ONECUT3: variants seen among roughly 807,000 people sequenced by gnomAD.
ONECUT3 encodes one cut homeobox 3, also known as one cut domain family member 3.
A neutral mutation model predicts 16.8 loss-of-function variants in ONECUT3; 11 were observed. That is an observed-to-expected ratio of 0.66 (90% CI 0.41 to 1.09). The LOEUF (loss-of-function observed/expected upper bound fraction) is 1.09. Among genes scored for constraint, ONECUT3 ranks in the 50% least tolerant of loss-of-function variants. ONECUT3 has a pLI of 0.00. For synonymous variants in ONECUT3, 344 were observed against 310.7 expected (o/e 1.11, Z -1.13); for missense variants, 637 against 629.9 (o/e 1.01, Z -0.12).
chr19:1,759,840 C>T lies in ONECUT3; in HGVS notation c.1192+4986C>T, dbSNP rs1299105593. Among the ~76,000 whole-genome samples the T allele has an allele frequency of 6.6e-6, 1 of 152,154 alleles. No homozygotes were observed. Among genetic ancestry groups the T allele is most frequent in the Non-Finnish European group, 1.5e-5 (1 of 68,028 alleles). On this transcript the variant is annotated intron_variant, in intron 1 of 1. Coordinates refer to ENST00000382349, the MANE Select transcript of ONECUT3 (RefSeq NM_001080488.2). The surrounding 1 kb of genome is among the most constrained non-coding windows in gnomAD (Gnocchi z 4.1). Reference sequence around the variant, plus strand: ...CACCGTAGGTTTCCACAGGGATGCACGGAGTGTGGATAGACCGAGACCGTG... The same window carrying T: ...CACCGTAGGTTTCCACAGGGATGCATGGAGTGTGGATAGACCGAGACCGTG...
rs2067910093 is a variant in ONECUT3, at chr19:1,755,131, A to G, written c.1192+277A>G. Among the ~76,000 whole-genome samples, 1 of 151,994 alleles carries G rather than the reference A, an allele frequency of 6.6e-6. No homozygotes were observed. Among genetic ancestry groups the G allele is most frequent in the Non-Finnish European group, 1.5e-5 (1 of 67,970 alleles). ...GCGTAGGGGTTCTCTAGTCCTTGTT[A>G]GACTGCTGGGAGGCTCCGAGCCTCT... On this transcript the variant is annotated intron_variant, in intron 1 of 1. Coordinates refer to ENST00000382349, the MANE Select transcript of ONECUT3 (RefSeq NM_001080488.2). This position sits in a 1 kb window ranked among gnomAD's most constrained non-coding sequence, Gnocchi z 7.5.
Position 1,764,800 on chromosome 19 carries a change from G to GA in ONECUT3, c.1192+9946_1192+9947insA, listed in dbSNP as rs1240338730. Among the ~76,000 whole-genome samples, 3 of 144,358 alleles carry GA rather than the reference G, an allele frequency of 2.1e-5. No individual in the cohort carries two copies. Among genetic ancestry groups the GA allele is most frequent in the Admixed American group, 6.8e-5 (1 of 14,800 alleles). 94.7% of individuals were successfully genotyped at this position (144,358 alleles called of 152,430 possible). A position where few individuals can be genotyped will look rare whatever the true frequency, so the allele number is the denominator to read the frequency against. Reference sequence around the variant, plus strand: ...CTGACTCGAGTCTGGAGAGGCCACGGGGGGGGGATGCGCAGGGGGGACAAG... The same window carrying GA: ...CTGACTCGAGTCTGGAGAGGCCACGGAGGGGGGGATGCGCAGGGGGGACAAG... On this transcript the variant is annotated intron_variant, in intron 1 of 1. Transcript: ENST00000382349. This position sits in a 1 kb window ranked among gnomAD's most constrained non-coding sequence, Gnocchi z 5.0.
rs954095281 is a variant in ONECUT3, at chr19:1,766,503, G to C, written c.1193-8650G>C. On this transcript the variant is annotated intron_variant, in intron 1 of 1. Coordinates refer to ENST00000382349, the MANE Select transcript of ONECUT3 (RefSeq NM_001080488.2). This position sits in a 1 kb window ranked among gnomAD's most constrained non-coding sequence, Gnocchi z 4.0. ...GGAAGTGAGGGAAGGAAGGGGAAGA[G>C]GGGAGGGAGGTAAAGAGAGGGAGGG... is the stretch of plus-strand genomic sequence containing the variant. 1.3e-5 allele frequency among the ~76,000 whole-genome samples: 2 copies of C among 151,678 alleles called. No homozygotes were observed. Among genetic ancestry groups the C allele is most frequent in the Non-Finnish European group, 2.9e-5 (2 of 67,848 alleles).
At chr19:1,763,732 GTT>G (rs35077722) in intron 1 of ONECUT3, among the ~76,000 whole-genome samples, 15 of 134,514 alleles carry the variant, frequency 1.1e-4, no homozygotes, top group African/African-American at 1.7e-4. Flanking sequence ...TCCCTTTTTT[GTT>G]TTTTTTTTTT....
Position 1,757,795 on chromosome 19 carries a change from G to A in ONECUT3, c.1192+2941G>A, listed in dbSNP as rs930358835. Reference sequence around the variant, plus strand: ...CGGCAAATCGCGGCGGTTAGGGGGAGACGGCCGGATGCGTCCCCATCTCCA... The same window carrying A: ...CGGCAAATCGCGGCGGTTAGGGGGAAACGGCCGGATGCGTCCCCATCTCCA... On this transcript the variant is annotated intron_variant, in intron 1 of 1. Coordinates refer to ENST00000382349, the MANE Select transcript of ONECUT3 (RefSeq NM_001080488.2). Among the ~76,000 whole-genome samples, 67 of 152,224 alleles carry A rather than the reference G, an allele frequency of 4.4e-4. 1 individual carries two copies. The highest frequency in any genetic ancestry group is 9.3e-4 in the Non-Finnish European group (63 of 68,034).
chr19:1,753,594 A>T lies in ONECUT3; in HGVS notation c.-69A>T. ...GCGCAGCCACCGGGGAGCGGGCGGG[A>T]GTCATGCAGCGGCCTTGAGCACTAG... On this transcript the variant is annotated 5_prime_UTR_variant, in exon 1 of 2. Coordinates refer to ENST00000382349, the MANE Select transcript of ONECUT3 (RefSeq NM_001080488.2). 1 of 500,908 alleles carries T rather than the reference A, an allele frequency of 2.0e-6. No individual in the cohort carries two copies. The highest frequency in any genetic ancestry group is 2.6e-6 in the Non-Finnish European group (1 of 379,596). 31.0% of individuals were successfully genotyped at this position (500,908 alleles called of 1,614,324 possible).
chr19:1,765,829 A>T (rs1486044951), intron 1 of ONECUT3, among the ~76,000 whole-genome samples: 1 of 152,128 alleles, frequency 6.6e-6, no homozygotes, highest in Non-Finnish European at 1.5e-5. Context: ...TGAGGGGAGC[A>T]GGGGGAGGCA....
intron 1 of ONECUT3, among the ~76,000 whole-genome samples, chr19:1,763,060 T>C (rs2067954830): frequency 2.0e-5 from 3 of 151,550 alleles, no homozygotes; most frequent in South Asian, 2.1e-4. Context: ...TCTATAAAAA[T>C]GTTTTTAAAT....
chr19:1,767,185 G>A (rs1049384200), intron 1 of ONECUT3, among the ~76,000 whole-genome samples: 14 of 152,136 alleles, frequency 9.2e-5, no homozygotes, highest in African/African-American at 2.9e-4. Flanking sequence ...GGGAAACTTC[G>A]TGGTTGGAAG....
intron 1 of ONECUT3, among the ~76,000 whole-genome samples, chr19:1,772,111 G>A (rs1041809048): frequency 2.0e-5 from 3 of 151,828 alleles, no homozygotes; most frequent in Non-Finnish European, 2.9e-5. Context: ...CTGGGTTCAA[G>A]CGACTCTCCT....
At chr19:1,774,625 A>G (rs2068087598) in intron 1 of ONECUT3, among the ~76,000 whole-genome samples, 1 of 150,608 alleles carries the variant, frequency 6.6e-6, no homozygotes, top group Non-Finnish European at 1.5e-5. Context: ...GAGAGGAGAA[A>G]GTTACCAATA....
At chr19:1,769,901 G>A (rs553943425) in intron 1 of ONECUT3, among the ~76,000 whole-genome samples, 1 of 152,216 alleles carries the variant, frequency 6.6e-6, no homozygotes, top group South Asian at 2.1e-4. Context: ...CTCTGCCTCT[G>A]GGGTCCCCAT....
chr19:1,775,718 T>G lies in ONECUT3; in HGVS notation c.*273T>G. 19 of 321,902 alleles carry G rather than the reference T, an allele frequency of 5.9e-5. No homozygotes were observed. Among genetic ancestry groups the G allele is most frequent in the East Asian group, 1.9e-4 (3 of 15,544 alleles). The allele number at this position is 321,902 out of a possible 1,614,324, so 19.9% of individuals were successfully genotyped here. On this transcript the variant is annotated 3_prime_UTR_variant, in exon 2 of 2. Coordinates refer to ENST00000382349, the MANE Select transcript of ONECUT3 (RefSeq NM_001080488.2). ...AGGGGAGGGAGTGACAGAAAGGGGT[T>G]TCCCAGCCCCCTCTCCATTCAGGAC...
intron 1 of ONECUT3, among the ~76,000 whole-genome samples, chr19:1,756,465 C>A (rs2067916663): frequency 6.6e-6 from 1 of 152,186 alleles, no homozygotes; most frequent in Non-Finnish European, 1.5e-5. Flanking sequence ...CGGTCATATC[C>A]GCACACAGCC....
chr19:1,780,982 A>AAAAAAG lies in ONECUT3; in HGVS notation c.*5542_*5543insGAAAAA, dbSNP rs1355241232. Reference sequence around the variant, plus strand: ...CGACAGGCTTAAAAGCTAAAAAAAAAAAAAAATCTCGTCATTGTTAACCAT... The same window carrying AAAAAAG: ...CGACAGGCTTAAAAGCTAAAAAAAAAAAAAAGAAAAAATCTCGTCATTGTTAACCAT... On this transcript the variant is annotated 3_prime_UTR_variant, in exon 2 of 2. Coordinates refer to ENST00000382349, the MANE Select transcript of ONECUT3 (RefSeq NM_001080488.2). 6.6e-6 allele frequency: 1 copy of AAAAAAG among 151,650 alleles called. No individual in the cohort carries two copies. Among genetic ancestry groups the AAAAAAG allele is most frequent in the African/African-American group, 2.4e-5 (1 of 41,220 alleles). The allele number at this position is 151,650 out of a possible 1,614,324, so 9.4% of individuals were successfully genotyped here.
chr19:1,771,612 G>T (rs958601424), intron 1 of ONECUT3, among the ~76,000 whole-genome samples: 18 of 152,128 alleles, frequency 1.2e-4, no homozygotes, highest in Middle Eastern at 3.4e-3. Context: ...TTTATTCTTG[G>T]TGCTCTGAAA....
rs561768747 is a variant in ONECUT3 at position 1,762,254 on chromosome 19, A to ACCCTCCTGCCCTCCTG, written c.1192+7416_1192+7431dup. ...CCCAGCTGCGCCCGCCAGCCCTCCAACCCTCCTGCCCTCCTGCCCTCCTGC... is the reference window on the plus strand; with the variant it reads ...CCCAGCTGCGCCCGCCAGCCCTCCAACCCTCCTGCCCTCCTGCCCTCCTGCCCTCCTGCCCTCCTGC... On this transcript the variant is annotated intron_variant, in intron 1 of 1. Coordinates refer to ENST00000382349, the MANE Select transcript of ONECUT3 (RefSeq NM_001080488.2). The surrounding 1 kb of genome is among the most constrained non-coding windows in gnomAD (Gnocchi z 4.4). Among the ~76,000 whole-genome samples, 1 of 151,662 alleles carries ACCCTCCTGCCCTCCTG rather than the reference A, an allele frequency of 6.6e-6. No individual in the cohort carries two copies. The highest frequency in any genetic ancestry group is 1.5e-5 in the Non-Finnish European group (1 of 67,874).
Position 1,764,798 on chromosome 19 carries a change from C to G in ONECUT3, c.1192+9944C>G, listed in dbSNP as rs1395947725. 2.1e-5 allele frequency among the ~76,000 whole-genome samples: 2 copies of G among 96,320 alleles called. No individual in the cohort carries two copies. Among genetic ancestry groups the G allele is most frequent in the Non-Finnish European group, 4.4e-5 (2 of 45,372 alleles). 63.2% of individuals were successfully genotyped at this position (96,320 alleles called of 152,430 possible). A position where few individuals can be genotyped will look rare whatever the true frequency, so the allele number is the denominator to read the frequency against. On this transcript the variant is annotated intron_variant, in intron 1 of 1. Coordinates refer to ENST00000382349, the MANE Select transcript of ONECUT3 (RefSeq NM_001080488.2). This position sits in a 1 kb window ranked among gnomAD's most constrained non-coding sequence, Gnocchi z 5.0. ...CACTGACTCGAGTCTGGAGAGGCCACGGGGGGGGGATGCGCAGGGGGGACA... is the reference window on the plus strand; with the variant it reads ...CACTGACTCGAGTCTGGAGAGGCCAGGGGGGGGGGATGCGCAGGGGGGACA...
rs1436408013 is a variant in ONECUT3, at chr19:1,777,442, AC to A, written c.*1998del. ...AAGACACGCATGCAGGCACACGCAGACGCACACAGAGACACACATGCAGATA... is the reference window on the plus strand; with the variant it reads ...AAGACACGCATGCAGGCACACGCAGAGCACACAGAGACACACATGCAGATA... On this transcript the variant is annotated 3_prime_UTR_variant, in exon 2 of 2. Transcript: ENST00000382349. 4.9e-4 allele frequency: 41 copies of A among 84,350 alleles called. No individual in the cohort carries two copies. The highest frequency in any genetic ancestry group is 1.9e-3 in the African/African-American group (38 of 20,396). The allele number at this position is 84,350 out of a possible 1,614,324, so 5.2% of individuals were successfully genotyped here. A position where few individuals can be genotyped will look rare whatever the true frequency, so the allele number is the denominator to read the frequency against.
Sources: allele counts gnomAD v4.1 joint callset (sites outside exome capture counted in the v4.1 genomes callset), GRCh38; gene constraint gnomAD v4.1.1; non-coding constraint Gnocchi (gnomAD v3.1); transcripts MANE v1.5; gene names NCBI Gene and HGNC (gene_info 2026-07-23, HGNC 2026-07-21).